Variants in SYTL5 observed in about 807,000 individuals in gnomAD.
The protein encoded by SYTL5 is synaptotagmin-like protein 5.
A neutral mutation model predicts 55.9 loss-of-function variants in SYTL5; 34 were observed. The ratio of observed to expected loss-of-function variants is 0.61; its 90% CI spans 0.46 to 0.81. The LOEUF (loss-of-function observed/expected upper bound fraction) is 0.81, where lower values mean the gene tolerates loss of function less well. Ranked by LOEUF, SYTL5 falls within the 30% of genes least tolerant of loss-of-function variation. The pLI is 0.00. For missense variants in SYTL5, 637 were observed against 546.7 expected (o/e 1.17, Z -1.65); for synonymous variants, 221 against 188.7 (o/e 1.17, Z -1.40).
the SYTL5 span, among the ~76,000 whole-genome samples, chrX:37,937,225 T>C: frequency 9.0e-6 from 1 of 110,647 alleles, no homozygotes; most frequent in East Asian, 2.8e-4. Context: ...ATAACACAGT[T>C]GTAAAGGTAA....
At position 38,072,170 on chromosome X, in the gene SYTL5, A is replaced by C. The variant is rs1462278724; in HGVS notation, c.445+8A>C. 2 of 1,159,214 alleles carry C rather than the reference A, an allele frequency of 1.7e-6. No homozygotes were observed. Among genetic ancestry groups the C allele is most frequent in the East Asian group, 3.0e-5 (1 of 33,581 alleles). ...TTTTAAGAAGAAGTCCAGGTAATTA[A>C]AGCAATTATGTGGTTTCACAACTGT... On this transcript the variant is annotated splice_region_variant and intron_variant, in intron 4 of 16. Transcript: ENST00000297875.
intron 6 of SYTL5, among the ~76,000 whole-genome samples, chrX:38,086,432 A>C (rs1412633821): frequency 8.9e-6 from 1 of 112,291 alleles, no homozygotes; most frequent in East Asian, 2.8e-4. Context: ...ACTTTTTCCT[A>C]ATCTGGAAAA....
chrX:37,951,084 A>T, the SYTL5 span, among the ~76,000 whole-genome samples: 1 of 109,649 alleles, frequency 9.1e-6, no homozygotes, highest in Non-Finnish European at 1.9e-5. Context: ...AAGTAAAAGA[A>T]TTTTTTTTTC....
intron 13 of SYTL5, among the ~76,000 whole-genome samples, chrX:38,119,217 A>T (rs1487668122): frequency 9.1e-6 from 1 of 110,359 alleles, no homozygotes; most frequent in Non-Finnish European, 1.9e-5. Flanking sequence ...TGTATATTTC[A>T]TCCTATGCAA....
chrX:38,076,486 T>C (rs1310704282), intron 5 of SYTL5, 81 bp from the exon 6 acceptor site: 8 of 829,415 alleles, frequency 9.6e-6, no homozygotes, highest in Non-Finnish European at 1.2e-5. Context: ...TTATTAAAAG[T>C]ACTAGAAATT....
chrX:38,086,711 A>G (rs1357369024), intron 6 of SYTL5, among the ~76,000 whole-genome samples: 1 of 112,105 alleles, frequency 8.9e-6, no homozygotes, highest in East Asian at 2.8e-4. Context: ...TCATTTTCCA[A>G]TTTAAGTGGC....
rs768386323 is a variant in SYTL5, at chrX:38,128,012, G to A, written c.*1282G>A. 1.8e-5 allele frequency: 2 copies of A among 112,358 alleles called. No homozygotes were observed. The highest frequency in any genetic ancestry group is 3.7e-4 in the South Asian group (1 of 2,688). 9.3% of individuals were successfully genotyped at this position (112,358 alleles called of 1,213,427 possible). On this transcript the variant is annotated 3_prime_UTR_variant, in exon 17 of 17. Coordinates refer to ENST00000297875, the MANE Select transcript of SYTL5 (RefSeq NM_138780.3). ...CAGGGAAATATGCACTGCCCACAGT[G>A]AAGCCATGACAAGAGTGAGGATGCA...
the SYTL5 span, among the ~76,000 whole-genome samples, chrX:37,941,355 C>G: frequency 1.3e-4 from 14 of 110,606 alleles, no homozygotes; most frequent in African/African-American, 4.0e-4. Flanking sequence ...CCTTTCTGAC[C>G]TTGTAATTCA....
chrX:38,122,219 A>G lies in SYTL5; in HGVS notation c.1841+4A>G. On this transcript the variant is annotated splice_donor_region_variant and intron_variant, in intron 15 of 16. Transcript: ENST00000297875. ...CTTCTGATAGCTTTGTGAAGGGGTA[A>G]CTTTGTTTTAGCTCTTTTTGGATGA... is the stretch of plus-strand genomic sequence containing the variant. The G allele has an allele frequency of 8.3e-7, 1 of 1,202,333 alleles. No individual in the cohort carries two copies. The highest frequency in any genetic ancestry group is 1.1e-6 in the Non-Finnish European group (1 of 889,825).
At chrX:38,018,803 C>T (rs969578551) in intron 1 of SYTL5, among the ~76,000 whole-genome samples, 7 of 111,447 alleles carry the variant, frequency 6.3e-5, no homozygotes, top group Admixed American at 2.9e-4. Context: ...CCACCCACAT[C>T]GAAGAGGTCA....
the SYTL5 span, among the ~76,000 whole-genome samples, chrX:37,971,616 C>T: frequency 1.8e-5 from 2 of 111,037 alleles, no homozygotes; most frequent in Non-Finnish European, 3.8e-5. Context: ...AGATTTAAAG[C>T]AGGCAGAAAA....
At chrX:37,921,954 A>G in the SYTL5 span, among the ~76,000 whole-genome samples, 337 of 111,879 alleles carry the variant, frequency 3.0e-3, 1 homozygote, top group African/African-American at 0.011. Flanking sequence ...AATGCTACCA[A>G]TTTAGGATTT....
the SYTL5 span, among the ~76,000 whole-genome samples, chrX:37,931,078 T>C: frequency 8.9e-6 from 1 of 112,101 alleles, no homozygotes; most frequent in Non-Finnish European, 1.9e-5. Context: ...GTAAAGAATT[T>C]ACGTCATTAT....
At chrX:37,963,492 G>C in the SYTL5 span, among the ~76,000 whole-genome samples, 4,856 of 111,174 alleles carry the variant, frequency 0.044, 253 homozygotes, top group African/African-American at 0.15. Context: ...GTTTCACCAT[G>C]TTGGTCAGGC....
chrX:37,909,731 A>G, the SYTL5 span, among the ~76,000 whole-genome samples: 2 of 109,199 alleles, frequency 1.8e-5, no homozygotes, highest in African/African-American at 6.7e-5. Flanking sequence ...CTGGAGTGCA[A>G]TGGCGTGATC....
rs1323036128 is a variant in SYTL5 at position 38,108,692 on chromosome X, C to T, written c.1427C>T (p.Thr476Ile). 1.7e-6 allele frequency: 2 copies of T among 1,178,458 alleles called. No homozygotes were observed. The highest frequency in any genetic ancestry group is 2.3e-6 in the Non-Finnish European group (2 of 870,690). ...GGCACCAATCCAGAATTCAATGAAA[C>T]ACTAAAGGTAAATAAATACGGTCTC... ...RTGTNPEFNETLKYTISHTQL... is the reference protein window; with the variant it reads ...RTGTNPEFNEILKYTISHTQL... Residue 476 changes from threonine (T) to isoleucine (I), a missense_variant, in exon 12 of 17, where the codon ACA becomes ATA. Coordinates refer to ENST00000297875, the MANE Select transcript of SYTL5 (RefSeq NM_138780.3).
chrX:37,948,289 G>C, the SYTL5 span, among the ~76,000 whole-genome samples: 1 of 110,275 alleles, frequency 9.1e-6, no homozygotes, highest in South Asian at 3.8e-4. Flanking sequence ...TATTTACTAG[G>C]AATATTAGTT....
intron 3 of SYTL5, among the ~76,000 whole-genome samples, chrX:38,067,223 T>C (rs1014721004): frequency 3.6e-5 from 4 of 111,608 alleles, no homozygotes; most frequent in African/African-American, 1.3e-4. Context: ...GGGAAGATCT[T>C]ATTTGTGTTA....
the SYTL5 span, among the ~76,000 whole-genome samples, chrX:37,959,806 T>C: frequency 8.9e-6 from 1 of 111,918 alleles, no homozygotes; most frequent in African/African-American, 3.3e-5. Flanking sequence ...CTGCTCAGCA[T>C]TGCCCTTGTA....
Sources: allele counts gnomAD v4.1 joint callset (sites outside exome capture counted in the v4.1 genomes callset), GRCh38; gene constraint gnomAD v4.1.1; transcripts MANE v1.5; gene names NCBI Gene and HGNC (gene_info 2026-07-23, HGNC 2026-07-21).